The following PXDNL variants were observed in gnomAD, a reference collection of about 807,000 sequenced individuals.
PXDNL encodes the protein peroxidasin like.
In PXDNL, 145 loss-of-function variants were observed where a neutral mutation model predicts 150.8. The observed-to-expected ratio is 0.96, with a 90% CI of 0.84 to 1.10. PXDNL has a LOEUF of 1.10. Among genes scored for constraint, PXDNL ranks in the 50% least tolerant of loss-of-function variants. PXDNL has a pLI of 0.00. For synonymous variants in PXDNL, 757 were observed against 725.7 expected, an observed-to-expected ratio of 1.04 and a Z score of -0.69; for missense variants, 2,087 against 1,873.9, an observed-to-expected ratio of 1.11 and a Z score of -2.10.
intron 4 of PXDNL, among the ~76,000 whole-genome samples, chr8:51,553,219 G>A (rs552987272): frequency 2.0e-5 from 3 of 152,288 alleles, no homozygotes; most frequent in South Asian, 4.2e-4. Context: ...GCTCTCGTGG[G>A]TTGAAGTCTT....
intron 19 of PXDNL, among the ~76,000 whole-genome samples, chr8:51,360,504 C>T (rs1052718604): frequency 5.3e-5 from 8 of 152,184 alleles, no homozygotes; most frequent in Admixed American, 2.0e-4. Flanking sequence ...TATATATGTA[C>T]ACAACTACAC....
Position 51,423,628 on chromosome 8 carries a change from A to C in PXDNL, c.1742T>G (p.Val581Gly), listed in dbSNP as rs748731250. ...AGCAAGGCCAAAAGAATTCCGAGCCACACATTCATATCTTCCCTGGTCAGG... is the reference window on the plus strand; with the variant it reads ...AGCAAGGCCAAAAGAATTCCGAGCCCCACATTCATATCTTCCCTGGTCAGG... ...GFPDQGRYEC[V>G]ARNSFGLAVT... The change falls in exon 14 of 23, where the codon GTG (valine) becomes GGG (glycine). Residue 581 changes from valine to glycine, a missense_variant. Transcript: ENST00000356297. The C allele has an allele frequency of 6.2e-7, 1 of 1,613,956 alleles. No homozygotes were observed. The highest frequency in any genetic ancestry group is 8.5e-7 in the Non-Finnish European group (1 of 1,179,864).
At chr8:51,519,389 C>T (rs1811609648) in intron 4 of PXDNL, among the ~76,000 whole-genome samples, 1 of 151,954 alleles carries the variant, frequency 6.6e-6, no homozygotes, top group Non-Finnish European at 1.5e-5. Flanking sequence ...AAAAATTAGC[C>T]AGGCGTGGTG....
At chr8:51,395,142 C>T (rs1808041013) in intron 17 of PXDNL, among the ~76,000 whole-genome samples, 1 of 152,196 alleles carries the variant, frequency 6.6e-6, no homozygotes. Flanking sequence ...ACTCCCAAGA[C>T]CCTAGAGAGG....
At chr8:51,614,730 GATC>G (rs1814095914) in intron 2 of PXDNL, among the ~76,000 whole-genome samples, 1 of 151,956 alleles carries the variant, frequency 6.6e-6, no homozygotes, top group Non-Finnish European at 1.5e-5. Context: ...TGAAAATAAT[GATC>G]ATCTGCCTGT....
intron 4 of PXDNL, among the ~76,000 whole-genome samples, chr8:51,534,173 A>G (rs144409015): frequency 0.052 from 6,433 of 123,722 alleles, 676 homozygotes; most frequent in African/African-American, 0.21. Context: ...CTGCTGGGCC[A>G]CAACCCTGTC....
intron 1 of PXDNL, among the ~76,000 whole-genome samples, chr8:51,736,259 TTGA>T (rs1300025386): frequency 6.6e-6 from 1 of 152,260 alleles, no homozygotes; most frequent in Admixed American, 6.5e-5. Flanking sequence ...ACTATGCCAG[TTGA>T]TGTTTATCAT....
intron 2 of PXDNL, among the ~76,000 whole-genome samples, chr8:51,644,709 G>A (rs577300656): frequency 5.3e-5 from 8 of 151,438 alleles, no homozygotes; most frequent in Non-Finnish European, 1.5e-5. Context: ...CACCCGCCTC[G>A]GCCTCCCAAA....
chr8:51,633,811 T>C (rs1004700967), intron 2 of PXDNL, among the ~76,000 whole-genome samples: 19 of 152,138 alleles, frequency 1.2e-4, no homozygotes, highest in Admixed American at 1.1e-3. Context: ...ATGTTCTTTG[T>C]TCACTTTTTG....
chr8:51,735,191 A>T (rs1224881928), intron 1 of PXDNL, among the ~76,000 whole-genome samples: 4 of 152,214 alleles, frequency 2.6e-5, no homozygotes, highest in African/African-American at 4.8e-5. Context: ...AAAATAAATT[A>T]AAAATGTGGC....
intron 1 of PXDNL, among the ~76,000 whole-genome samples, chr8:51,726,962 A>G (rs1454507273): frequency 3.9e-5 from 6 of 152,226 alleles, no homozygotes; most frequent in African/African-American, 4.8e-5. Context: ...GAAAGGCTCT[A>G]TCATCTTCAT....
intron 3 of PXDNL, among the ~76,000 whole-genome samples, 181 bp from the exon 4 acceptor site, chr8:51,557,092 A>C (rs971142812): frequency 1.2e-4 from 18 of 152,172 alleles, no homozygotes; most frequent in African/African-American, 4.3e-4. Context: ...AAGAGTTCTA[A>C]GCCTCTCATC....
chr8:51,428,648 A>G (rs1387229345), intron 12 of PXDNL, among the ~76,000 whole-genome samples: 1 of 152,244 alleles, frequency 6.6e-6, no homozygotes, highest in Admixed American at 6.5e-5. Context: ...TAGCAAATGG[A>G]TAACCATAGG....
intron 1 of PXDNL, among the ~76,000 whole-genome samples, chr8:51,727,340 C>T (rs559977683): frequency 8.5e-5 from 13 of 152,192 alleles, no homozygotes; most frequent in South Asian, 2.1e-4. Context: ...AAAATGATTC[C>T]GTAGTACTAC....
At chr8:51,359,182 C>T (rs1036481445) in intron 19 of PXDNL, among the ~76,000 whole-genome samples, 1 of 152,092 alleles carries the variant, frequency 6.6e-6, no homozygotes, top group African/African-American at 2.4e-5. Context: ...ATGAAAGGGT[C>T]CCGAATAGTT....
At chr8:51,583,166 T>C (rs1813246693) in intron 3 of PXDNL, among the ~76,000 whole-genome samples, 1 of 152,116 alleles carries the variant, frequency 6.6e-6, no homozygotes, top group African/African-American at 2.4e-5. Flanking sequence ...TGGCATCGCT[T>C]TAAAGGAATA....
intron 17 of PXDNL, among the ~76,000 whole-genome samples, chr8:51,398,060 AAGG>A (rs1215989763): frequency 2.0e-5 from 3 of 152,190 alleles, no homozygotes; most frequent in Non-Finnish European, 4.4e-5. Context: ...GTGTGATGGA[AAGG>A]AGACTAGTTT....
intron 4 of PXDNL, among the ~76,000 whole-genome samples, chr8:51,552,277 C>A (rs1812505848): frequency 6.6e-6 from 1 of 152,112 alleles, no homozygotes; most frequent in African/African-American, 2.4e-5. Context: ...TATGGAGATT[C>A]TTAAAGAACT....
intron 2 of PXDNL, 129 bp from the exon 3 acceptor site, chr8:51,592,827 G>A: frequency 1.8e-6 from 1 of 547,658 alleles, no homozygotes; most frequent in Non-Finnish European, 3.0e-6. Flanking sequence ...ACTAAATTTG[G>A]AAATTTATAC....
Sources: allele counts gnomAD v4.1 joint callset (sites outside exome capture counted in the v4.1 genomes callset), GRCh38; gene constraint gnomAD v4.1.1; transcripts MANE v1.5; gene names NCBI Gene and HGNC (gene_info 2026-07-23, HGNC 2026-07-21).